NBEA: variants seen among roughly 807,000 people sequenced by gnomAD.
NBEA encodes lysosomal-trafficking regulator 2.
NBEA carries 44 observed loss-of-function variants against 343.4 expected under a neutral mutation model. The observed-to-expected ratio is 0.13, with a 90% CI of 0.10 to 0.16. NBEA has a LOEUF of 0.16. NBEA is among the 10% of genes least tolerant of loss of function. The pLI is 1.00. For missense variants in NBEA, 2,555 were observed against 3,631.3 expected (o/e 0.70, Z 7.62); for synonymous variants, 1,175 against 1,238.7 (o/e 0.95, Z 1.08).
chr13:35,613,885 G>A (rs1025299358), intron 48 of NBEA, among the ~76,000 whole-genome samples: 5 of 152,190 alleles, frequency 3.3e-5, no homozygotes, highest in African/African-American at 9.7e-5. Context: ...ACAGGCATGA[G>A]CCACCAAGCC....
chr13:35,069,533 G>T (rs1251277128), intron 8 of NBEA, among the ~76,000 whole-genome samples: 1 of 151,952 alleles, frequency 6.6e-6, no homozygotes, highest in Non-Finnish European at 1.5e-5. Flanking sequence ...TAATTCATGT[G>T]CCAGGCACTG....
intron 13 of NBEA, among the ~76,000 whole-genome samples, chr13:35,112,288 A>G (rs1036405583): frequency 3.1e-4 from 47 of 151,896 alleles, no homozygotes; most frequent in African/African-American, 1.1e-3. Context: ...GGCTTCTTCC[A>G]TTGCTTTTAA....
At chr13:35,094,820 T>C (rs2065252517) in intron 10 of NBEA, among the ~76,000 whole-genome samples, 1 of 151,970 alleles carries the variant, frequency 6.6e-6, no homozygotes, top group Non-Finnish European at 1.5e-5. Flanking sequence ...CTTTTAAAAA[T>C]GTCAAAAGAT....
intron 41 of NBEA, among the ~76,000 whole-genome samples, chr13:35,534,987 GAAAA>G (rs1345791124): frequency 1.3e-5 from 2 of 152,114 alleles, no homozygotes; most frequent in Admixed American, 1.3e-4. Flanking sequence ...CAGCAGAAGA[GAAAA>G]AAATAATCCT....
intron 1 of NBEA, among the ~76,000 whole-genome samples, 184 bp from the exon 2 acceptor site, chr13:35,040,749 A>G (rs540228617): frequency 3.3e-5 from 5 of 152,158 alleles, no homozygotes; most frequent in Admixed American, 1.3e-4. Context: ...TCTGTTTGCT[A>G]GTTTCGATGC....
In NBEA at chr13:35,232,433, T is replaced by C. The variant is rs939803553; in HGVS notation, c.5649-59T>C. On this transcript the variant is annotated intron_variant, in intron 33 of 58. Transcript: ENST00000379939. Reference sequence around the variant, plus strand: ...TAAATATTTTAATTTAGAAGTAAAGTTTATTTGACATTTTATATTGAATTA... The same window carrying C: ...TAAATATTTTAATTTAGAAGTAAAGCTTATTTGACATTTTATATTGAATTA... 3.5e-6 allele frequency: 4 copies of C among 1,157,670 alleles called. No homozygotes were observed. The African/African-American group carries it at 6.3e-5, about 18-fold the overall frequency. 71.7% of individuals were successfully genotyped at this position (1,157,670 alleles called of 1,614,324 possible). A position where few individuals can be genotyped will look rare whatever the true frequency, so the allele number is the denominator to read the frequency against.
At chr13:35,489,143 A>C (rs1046725529) in intron 41 of NBEA, among the ~76,000 whole-genome samples, 1 of 151,692 alleles carries the variant, frequency 6.6e-6, no homozygotes, top group Non-Finnish European at 1.5e-5. Flanking sequence ...ACATCTAGGC[A>C]ATAAAAGACA....
intron 38 of NBEA, among the ~76,000 whole-genome samples, chr13:35,386,731 A>G (rs1034876689): frequency 6.6e-6 from 1 of 152,166 alleles, no homozygotes. Context: ...CCTGAATTTC[A>G]TTTGATCATT....
intron 41 of NBEA, among the ~76,000 whole-genome samples, chr13:35,547,760 G>C (rs929982640): frequency 6.6e-6 from 1 of 152,006 alleles, no homozygotes; most frequent in Non-Finnish European, 1.5e-5. Flanking sequence ...GTAATGGCAC[G>C]CATCTGTAAT....
intron 38 of NBEA, among the ~76,000 whole-genome samples, chr13:35,427,294 C>T (rs1374847599): frequency 4.6e-5 from 7 of 152,102 alleles, no homozygotes; most frequent in East Asian, 1.9e-4. Context: ...ATGATGGTGA[C>T]GTACAGATGG....
At chr13:34,984,236 T>C (rs2060466218) in intron 1 of NBEA, among the ~76,000 whole-genome samples, 1 of 152,200 alleles carries the variant, frequency 6.6e-6, no homozygotes, top group South Asian at 2.1e-4. Context: ...AGGGATCCAG[T>C]TTCAGCTTTC....
rs370706510 is a variant in NBEA at position 35,132,665 on chromosome 13, A to G, written c.2336+9091A>G. Among the ~76,000 whole-genome samples the G allele has an allele frequency of 9.2e-5, 14 of 152,310 alleles. No individual in the cohort carries two copies. In the South Asian group the frequency reaches 2.1e-3, roughly 23 times the overall value. Reference sequence around the variant, plus strand: ...AAGCCAGATGCAAAAACTATATACTATATGCTTCTGTTTATATGAAATGTC... The same window carrying G: ...AAGCCAGATGCAAAAACTATATACTGTATGCTTCTGTTTATATGAAATGTC... On this transcript the variant is annotated intron_variant, in intron 17 of 58. Transcript: ENST00000379939.
intron 34 of NBEA, among the ~76,000 whole-genome samples, chr13:35,240,009 T>C (rs2152777326): frequency 6.6e-6 from 1 of 151,496 alleles, no homozygotes; most frequent in African/African-American, 2.4e-5. Context: ...CATAAATCTA[T>C]TAGGTTGGTG....
In NBEA at chr13:35,110,882, A is replaced by G. The variant is rs1203226831; in HGVS notation, c.1906A>G (p.Arg636Gly). 6.2e-7 allele frequency: 1 copy of G among 1,611,938 alleles called. No individual in the cohort carries two copies. The highest frequency in any genetic ancestry group is 1.3e-5 in the African/African-American group (1 of 74,886). The stretch of plus-strand genomic sequence containing the variant: ...TGCTACCATCTACACCACCATACGC[A>G]GAGTAGGAACAGTATTACAGCTAAT... ...GTATIYTTIR[R>G]VGTVLQLMHT... Residue 636 changes from arginine to glycine, a missense_variant, in exon 13 of 59, where the codon AGA becomes GGA. Physicochemically the swap from Arg to Gly is moderately radical, Grantham distance 125 (BLOSUM62 -2). Coordinates refer to ENST00000379939, the MANE Select transcript of NBEA (RefSeq NM_001385012.1).
chr13:35,182,189 T>G (rs2071362989), intron 28 of NBEA, among the ~76,000 whole-genome samples, 171 bp from the exon 29 acceptor site: 1 of 151,146 alleles, frequency 6.6e-6, no homozygotes, highest in South Asian at 2.1e-4. Flanking sequence ...GAGTTTTATA[T>G]TTATAGTTAA....
intron 39 of NBEA, among the ~76,000 whole-genome samples, chr13:35,446,099 G>C (rs2046022148): frequency 6.6e-6 from 1 of 151,686 alleles, no homozygotes; most frequent in South Asian, 2.1e-4. Context: ...AGTTTGCTGA[G>C]AATGATGGTT....
At chr13:35,130,492 G>A (rs377349946) in intron 17 of NBEA, among the ~76,000 whole-genome samples, 18 of 151,524 alleles carry the variant, frequency 1.2e-4, no homozygotes, top group East Asian at 9.7e-4. Context: ...GATGAAGGGG[G>A]CCACCATGTT....
intron 34 of NBEA, among the ~76,000 whole-genome samples, chr13:35,275,869 G>C (rs1036335671): frequency 1.4e-4 from 22 of 152,134 alleles, no homozygotes; most frequent in Non-Finnish European, 2.8e-4. Flanking sequence ...ATCCTGGGGG[G>C]AGGGATAGCC....
chr13:34,965,646 G>A (rs1374749838), intron 1 of NBEA, among the ~76,000 whole-genome samples: 6 of 151,716 alleles, frequency 4.0e-5, no homozygotes, highest in Admixed American at 2.0e-4. Context: ...TTTTTTTATG[G>A]ATCCTTGTTT....
Sources: allele counts gnomAD v4.1 joint callset (sites outside exome capture counted in the v4.1 genomes callset), GRCh38; gene constraint gnomAD v4.1.1; transcripts MANE v1.5; gene names NCBI Gene and HGNC (gene_info 2026-07-23, HGNC 2026-07-21).